The following GDA variants were observed in gnomAD, a reference collection of about 807,000 sequenced individuals.
GDA encodes cytoplasmic PSD-95 interactor.
Under a neutral mutation model 59.6 loss-of-function variants are expected in GDA, and 18 were observed. The ratio of observed to expected loss-of-function variants is 0.30; its 90% CI spans 0.21 to 0.45. The LOEUF (loss-of-function observed/expected upper bound fraction) is 0.45. GDA is among the 20% of genes least tolerant of loss of function. GDA has a pLI of 1.00. For missense variants in GDA, 427 were observed against 552.3 expected (o/e 0.77, Z 2.27); for synonymous variants, 201 against 201.1 (o/e 1.00, Z 0.00).
At chr9:72,118,404 T>A (rs1368557529) in intron 1 of GDA, among the ~76,000 whole-genome samples, 1 of 152,080 alleles carries the variant, frequency 6.6e-6, no homozygotes, top group African/African-American at 2.4e-5. Flanking sequence ...AAATGTACTG[T>A]ATAAAAATTT....
intron 1 of GDA, among the ~76,000 whole-genome samples, chr9:72,156,050 A>G (rs920715947): frequency 1.3e-5 from 2 of 152,212 alleles, no homozygotes; most frequent in African/African-American, 4.8e-5. Context: ...GGTGGATAGA[A>G]TCAGTAGCTA....
chr9:72,141,699 G>A (rs1329879162), intron 1 of GDA, among the ~76,000 whole-genome samples: 1 of 152,106 alleles, frequency 6.6e-6, no homozygotes, highest in East Asian at 1.9e-4. Context: ...GTTAGCTGAG[G>A]TAAGCGTCTT....
Position 72,212,505 on chromosome 9 carries a change from G to A in GDA, c.473-1381G>A, listed in dbSNP as rs568575800. Among the ~76,000 whole-genome samples the A allele has an allele frequency of 7.2e-5, 11 of 151,840 alleles. No homozygotes were observed. In the South Asian group the frequency reaches 1.7e-3, roughly 23 times the overall value. On this transcript the variant is annotated intron_variant, in intron 4 of 13. Coordinates refer to ENST00000358399, the MANE Select transcript of GDA (RefSeq NM_004293.5). ...TTAAAAAAAAAAAAGAATAGTAGCA[G>A]TATGTTGCCTAGATAACCACATGCC...
downstream of GDA, among the ~76,000 whole-genome samples, chr9:72,253,035 G>A (rs1840793375): frequency 6.6e-6 from 1 of 152,076 alleles, no homozygotes; most frequent in Non-Finnish European, 1.5e-5. Context: ...TAAATCAAGT[G>A]ATATTACGGA....
chr9:72,242,717 T>C (rs1225693160), intron 11 of GDA, among the ~76,000 whole-genome samples: 3 of 152,214 alleles, frequency 2.0e-5, no homozygotes, highest in Non-Finnish European at 4.4e-5. Context: ...AGTATTATGG[T>C]TCATTTTCCA....
intron 8 of GDA, among the ~76,000 whole-genome samples, chr9:72,226,050 C>T (rs747380517): frequency 4.6e-5 from 7 of 150,592 alleles, no homozygotes; most frequent in East Asian, 1.9e-4. Context: ...AAAATGGACC[C>T]GAAGTTTCAT....
At chr9:72,114,986 A>G (rs1023521137) in intron 1 of GDA, among the ~76,000 whole-genome samples, 3 of 152,158 alleles carry the variant, frequency 2.0e-5, no homozygotes, top group Non-Finnish European at 4.4e-5. Flanking sequence ...TGGACCTGGT[A>G]TATCACAGGA....
chr9:72,125,712 G>A (rs1825822861), intron 1 of GDA, among the ~76,000 whole-genome samples: 1 of 152,182 alleles, frequency 6.6e-6, no homozygotes, highest in Non-Finnish European at 1.5e-5. Flanking sequence ...GAATTGTGGG[G>A]CACTTTGGTT....
chr9:72,190,365 A>C (rs1832383538), intron 1 of GDA, among the ~76,000 whole-genome samples: 1 of 152,126 alleles, frequency 6.6e-6, no homozygotes, highest in Non-Finnish European at 1.5e-5. Context: ...GACCTCAAGC[A>C]ATCTGCTCGC....
intron 4 of GDA, among the ~76,000 whole-genome samples, chr9:72,213,619 C>A (rs181357978): frequency 9.3e-5 from 14 of 150,832 alleles, no homozygotes; most frequent in South Asian, 4.2e-4. Flanking sequence ...TTGGCTAACA[C>A]GGTGAAACCC....
intron 1 of GDA, among the ~76,000 whole-genome samples, chr9:72,172,896 C>G (rs943357181): frequency 6.6e-6 from 1 of 152,098 alleles, no homozygotes; most frequent in African/African-American, 2.4e-5. Flanking sequence ...GTCTAGCATT[C>G]TGTTTGGTGC....
At chr9:72,204,157 A>C (rs2131364836) in intron 3 of GDA, among the ~76,000 whole-genome samples, 1 of 152,304 alleles carries the variant, frequency 6.6e-6, no homozygotes, top group East Asian at 1.9e-4. Context: ...CGTAATTATA[A>C]ATTCAGTGCA....
chr9:72,155,846 T>C (rs11143139), intron 1 of GDA, among the ~76,000 whole-genome samples: 28,279 of 152,154 alleles, frequency 0.19, 2,984 homozygotes, highest in African/African-American at 0.3. Flanking sequence ...TTATTACCTA[T>C]GTGAATTTGA....
intron 1 of GDA, among the ~76,000 whole-genome samples, chr9:72,193,099 A>G (rs185887912): frequency 1.3e-5 from 2 of 152,066 alleles, no homozygotes; most frequent in African/African-American, 2.4e-5. Flanking sequence ...GAAAGATTAC[A>G]TATCTTTCTC....
intron 1 of GDA, among the ~76,000 whole-genome samples, chr9:72,135,214 C>T (rs1160278538): frequency 6.9e-6 from 1 of 145,904 alleles, no homozygotes; most frequent in Non-Finnish European, 1.5e-5. Flanking sequence ...ACATCATGGC[C>T]TACGTACGTG....
chr9:72,257,438 T>C (rs1375071826), downstream of GDA: 2 of 152,236 alleles, frequency 1.3e-5, no homozygotes, highest in Non-Finnish European at 2.9e-5. Context: ...GGATATAAAC[T>C]TTGAAATGAC....
In GDA at chr9:72,203,274, A is replaced by T. The variant is rs554534379; in HGVS notation, c.384+532A>T. On this transcript the variant is annotated intron_variant, in intron 3 of 13. Coordinates refer to ENST00000358399, the MANE Select transcript of GDA (RefSeq NM_004293.5). The stretch of plus-strand genomic sequence containing the variant: ...GTTTGCTTTAAAAATGCCCAAGGAA[A>T]TTTAAAATTAAATATTTAAATTACT... Among the ~76,000 whole-genome samples the T allele has an allele frequency of 2.0e-5, 3 of 152,374 alleles. No homozygotes were observed. The South Asian group carries it at 6.2e-4, about 32-fold the overall frequency.
chr9:72,221,628 G>T (rs1421987920), intron 6 of GDA, among the ~76,000 whole-genome samples: 1 of 152,264 alleles, frequency 6.6e-6, no homozygotes, highest in South Asian at 2.1e-4. Context: ...TGTCATAGGG[G>T]TTTGTTGTGC....
chr9:72,118,115 A>G (rs10869120), intron 1 of GDA, among the ~76,000 whole-genome samples: 23,733 of 151,536 alleles, frequency 0.16, 2,451 homozygotes, highest in East Asian at 0.51. Context: ...CACTAAAAAT[A>G]CAAAAAATTA....
Sources: allele counts gnomAD v4.1 joint callset (sites outside exome capture counted in the v4.1 genomes callset), GRCh38; gene constraint gnomAD v4.1.1; transcripts MANE v1.5; gene names NCBI Gene and HGNC (gene_info 2026-07-23, HGNC 2026-07-21).